The following MEGF11 variants were observed in gnomAD, a reference collection of about 807,000 sequenced individuals.
The protein encoded by MEGF11 is multiple EGF like domains 11.
MEGF11 carries 126 observed loss-of-function variants against 146.6 expected under a neutral mutation model. The ratio of observed to expected loss-of-function variants is 0.86; its 90% CI spans 0.74 to 1.00. MEGF11 has a LOEUF of 1.00. MEGF11 is among the 50% of genes least tolerant of loss of function. The probability of loss-of-function intolerance (pLI) is 0.00; values close to 1 mark genes in which losing one functional copy is unlikely to be tolerated. For missense variants in MEGF11, 1,509 were observed against 1,521.2 expected (o/e 0.99, Z 0.13); for synonymous variants, 532 against 583.4 (o/e 0.91, Z 1.27).
intron 22 of MEGF11, among the ~76,000 whole-genome samples, 172 bp downstream of exon 22, chr15:65,909,568 G>A (rs2078731472): frequency 6.6e-6 from 1 of 152,112 alleles, no homozygotes; most frequent in African/African-American, 2.4e-5. Context: ...CCCTAATATA[G>A]TAATGGAAAG....
At chr15:66,147,312 A>G (rs970978985) in intron 1 of MEGF11, among the ~76,000 whole-genome samples, 1 of 152,174 alleles carries the variant, frequency 6.6e-6, no homozygotes, top group African/African-American at 2.4e-5. Flanking sequence ...GCCTCCTCCC[A>G]GGGAGTAAAG....
intron 1 of MEGF11, among the ~76,000 whole-genome samples, chr15:66,219,770 A>T (rs1172553048): frequency 2.0e-5 from 3 of 152,182 alleles, no homozygotes; most frequent in African/African-American, 7.2e-5. Flanking sequence ...TATCCCAGAG[A>T]TAATCTTATG....
chr15:65,929,050 G>A (rs2079476931), intron 12 of MEGF11, among the ~76,000 whole-genome samples: 1 of 152,074 alleles, frequency 6.6e-6, no homozygotes, highest in African/African-American at 2.4e-5. Flanking sequence ...TGATTCCATT[G>A]TATTCCCACT....
chr15:66,121,566 C>A (rs1000960102), intron 3 of MEGF11, among the ~76,000 whole-genome samples: 1 of 152,154 alleles, frequency 6.6e-6, no homozygotes, highest in Non-Finnish European at 1.5e-5. Context: ...GGCAAGTTAG[C>A]ACAACAATAC....
In MEGF11 at chr15:65,970,535, A is replaced by G; in HGVS notation, c.899+18T>C. On this transcript the variant is annotated intron_variant, in intron 8 of 25. Coordinates refer to ENST00000395614, the MANE Select transcript of MEGF11 (RefSeq NM_001385028.1). ...GAGTAAAATGGACAGCAAAGATAACAGTTAACACTATCCTTACCTGTCCCC... is the reference window on the plus strand; with the variant it reads ...GAGTAAAATGGACAGCAAAGATAACGGTTAACACTATCCTTACCTGTCCCC... 1 of 1,612,228 alleles carries G rather than the reference A, an allele frequency of 6.2e-7. No individual in the cohort carries two copies. Among genetic ancestry groups the G allele is most frequent in the Non-Finnish European group, 8.5e-7 (1 of 1,178,652 alleles).
chr15:66,015,914 G>A (rs892246573), intron 5 of MEGF11, among the ~76,000 whole-genome samples: 1 of 145,908 alleles, frequency 6.9e-6, no homozygotes, highest in African/African-American at 2.6e-5. Context: ...GGTTGGGTGG[G>A]GTTCAGTGGG....
intron 23 of MEGF11, among the ~76,000 whole-genome samples, chr15:65,906,394 C>T (rs185286275): frequency 1.3e-5 from 2 of 152,212 alleles, no homozygotes; most frequent in Admixed American, 1.3e-4. Flanking sequence ...CTACAGCGAC[C>T]CCCGGCATAT....
At chr15:66,011,008 G>A (rs1323313360) in intron 5 of MEGF11, among the ~76,000 whole-genome samples, 1 of 152,174 alleles carries the variant, frequency 6.6e-6, no homozygotes. Flanking sequence ...CTATGTGGCA[G>A]CCACACTCAT....
chr15:66,117,696 C>T (rs925491460), intron 4 of MEGF11, among the ~76,000 whole-genome samples: 1 of 152,120 alleles, frequency 6.6e-6, no homozygotes, highest in Non-Finnish European at 1.5e-5. Flanking sequence ...CTACTCCATA[C>T]AGACAGAGCA....
intron 5 of MEGF11, among the ~76,000 whole-genome samples, chr15:66,091,171 G>T (rs2086304441): frequency 6.6e-6 from 1 of 152,166 alleles, no homozygotes; most frequent in South Asian, 2.1e-4. Flanking sequence ...ACTGAAGAGG[G>T]ACCAAGATAC....
chr15:65,951,632 A>G (rs1484197360), intron 10 of MEGF11, among the ~76,000 whole-genome samples: 1 of 152,238 alleles, frequency 6.6e-6, no homozygotes, highest in Non-Finnish European at 1.5e-5. Context: ...GGTTGCAGTA[A>G]GCTGAGATCA....
At chr15:66,108,615 C>T (rs116233268) in intron 4 of MEGF11, among the ~76,000 whole-genome samples, 307 of 152,200 alleles carry the variant, frequency 2.0e-3, no homozygotes, top group African/African-American at 6.1e-3. Flanking sequence ...CATCTGGTGC[C>T]GTGTGGCTAT....
chr15:66,028,981 G>A (rs1397759877), intron 5 of MEGF11, among the ~76,000 whole-genome samples: 1 of 152,186 alleles, frequency 6.6e-6, no homozygotes, highest in Non-Finnish European at 1.5e-5. Context: ...AATAATAAAT[G>A]TTTGTCAAAT....
At chr15:66,102,297 C>T (rs1331735505) in intron 4 of MEGF11, among the ~76,000 whole-genome samples, 1 of 149,940 alleles carries the variant, frequency 6.7e-6, no homozygotes. Context: ...ACGATCTGTG[C>T]ATGTCCTAGA....
intron 2 of MEGF11, 26 bp from the exon 3 acceptor site, chr15:66,124,026 C>A: frequency 6.4e-7 from 1 of 1,565,072 alleles, no homozygotes; most frequent in Non-Finnish European, 8.8e-7. Context: ...GAGATAGGAG[C>A]CATGATTAGC....
At chr15:66,095,347 C>T in intron 4 of MEGF11, among the ~76,000 whole-genome samples, 1 of 152,220 alleles carries the variant, frequency 6.6e-6, no homozygotes, top group East Asian at 1.9e-4. Flanking sequence ...TTACAGAAAG[C>T]CCCCATGTGC....
chr15:66,206,193 T>C (rs1475260117), intron 1 of MEGF11, among the ~76,000 whole-genome samples: 1 of 151,850 alleles, frequency 6.6e-6, no homozygotes, highest in Non-Finnish European at 1.5e-5. Context: ...AAAGCAGCAG[T>C]GAACTGGAAA....
At chr15:66,151,156 C>A (rs973524781) in intron 1 of MEGF11, among the ~76,000 whole-genome samples, 2 of 152,128 alleles carry the variant, frequency 1.3e-5, no homozygotes, top group Non-Finnish European at 2.9e-5. Flanking sequence ...TGAGACACCC[C>A]CTAACCCTAA....
rs553008824 is a variant in MEGF11, at chr15:66,126,113, A to G, written c.99-2113T>C. 5.9e-5 allele frequency among the ~76,000 whole-genome samples: 9 copies of G among 152,306 alleles called. No homozygotes were observed. The South Asian group carries it at 1.9e-3, about 32-fold the overall frequency. On this transcript the variant is annotated intron_variant, in intron 2 of 25. Coordinates refer to ENST00000395614, the MANE Select transcript of MEGF11 (RefSeq NM_001385028.1). ...GCTTTACTAGCCGGGAGAGGTCTTT[A>G]CACTGGGTTTTATGGTGGAGGGGCA... is the stretch of plus-strand genomic sequence containing the variant.
Sources: gnomAD v4.1 joint callset for allele counts (sites outside exome capture counted in the v4.1 genomes callset) on GRCh38, gnomAD v4.1.1 for gene constraint, MANE v1.5 for transcripts, NCBI Gene and HGNC (gene_info 2026-07-23, HGNC 2026-07-21) for gene names.